The following ADGRE1 variants were observed in gnomAD, a reference collection of about 807,000 sequenced individuals.
The protein encoded by ADGRE1 is adhesion G protein-coupled receptor E1.
ADGRE1 carries 82 observed loss-of-function variants against 102.7 expected under a neutral mutation model. The observed-to-expected ratio is 0.80, with a 90% CI of 0.67 to 0.96. The LOEUF (loss-of-function observed/expected upper bound fraction) is 0.96, where lower values mean the gene tolerates loss of function less well. Ranked by LOEUF, ADGRE1 falls within the 40% of genes least tolerant of loss-of-function variation. The pLI is 0.00. For synonymous variants in ADGRE1, 398 were observed against 399.6 expected, an observed-to-expected ratio of 1.00 and a Z score of 0.05; for missense variants, 1,032 against 1,085.3, an observed-to-expected ratio of 0.95 and a Z score of 0.69.
In ADGRE1 at chr19:6,919,812, C is replaced by A. The variant is rs1218728038; in HGVS notation, c.1620+65C>A. ...TTGGGAACTCCTCGTCTCTCGATTG[C>A]CTTAACTCTCATTTTTTACGGGAAG... On this transcript the variant is annotated intron_variant, in intron 13 of 20. Coordinates refer to ENST00000312053, the MANE Select transcript of ADGRE1 (RefSeq NM_001974.5). 3 of 1,492,252 alleles carry A rather than the reference C, an allele frequency of 2.0e-6. No homozygotes were observed. The East Asian group carries it at 6.9e-5, about 34-fold the overall frequency. 92.4% of individuals were successfully genotyped at this position (1,492,252 alleles called of 1,614,324 possible).
chr19:6,932,085 G>A (rs149358319), intron 17 of ADGRE1, among the ~76,000 whole-genome samples: 505 of 152,310 alleles, frequency 3.3e-3, no homozygotes, highest in Non-Finnish European at 5.6e-3. Context: ...CATTTGTGGA[G>A]TTGGATGGGC....
At chr19:6,925,884 AG>A (rs946937277) in intron 15 of ADGRE1, among the ~76,000 whole-genome samples, 10 of 151,420 alleles carry the variant, frequency 6.6e-5, no homozygotes, top group African/African-American at 1.9e-4. Context: ...TTGTATAGAG[AG>A]GGGGGTTTCA....
chr19:6,918,292 T>C (rs1404892390), intron 12 of ADGRE1, among the ~76,000 whole-genome samples: 8 of 151,766 alleles, frequency 5.3e-5, no homozygotes, highest in Admixed American at 5.3e-4. Flanking sequence ...ATACAAAAAA[T>C]TAGCTGGGTG....
intron 2 of ADGRE1, 55 bp from the exon 3 acceptor site, chr19:6,896,343 C>T (rs1386848024): frequency 1.9e-6 from 3 of 1,573,354 alleles, no homozygotes; most frequent in Non-Finnish European, 2.6e-6. Flanking sequence ...GGTTCCCTTG[C>T]AGCCTCACTC....
rs1392770315 is a variant in ADGRE1 at position 6,940,267 on chromosome 19, T to C, written c.*238T>C. On this transcript the variant is annotated 3_prime_UTR_variant, in exon 21 of 21. Transcript: ENST00000312053. The stretch of plus-strand genomic sequence containing the variant: ...TCTTCGTGCTCTGCAACTTCTTCAA[T>C]TCCAGAGTTTCTGAGAACAGACCCA... 5.1e-6 allele frequency: 3 copies of C among 585,254 alleles called. No individual in the cohort carries two copies. The highest frequency in any genetic ancestry group is 3.0e-5 in the Admixed American group (1 of 33,290). The allele number at this position is 585,254 out of a possible 1,614,324, so 36.3% of individuals were successfully genotyped here.
chr19:6,898,728 AG>A (rs1318988961), intron 5 of ADGRE1: 2 of 745,346 alleles, frequency 2.7e-6, no homozygotes, highest in African/African-American at 3.5e-5. Context: ...TAATTAATTA[AG>A]GGTCATCTCA....
Position 6,906,538 on chromosome 19 carries a change from G to A in ADGRE1, c.1038+17G>A, listed in dbSNP as rs182041796. Reference sequence around the variant, plus strand: ...CCTGCATATGCAAGTATTTTTTAAGGTTCCTAGTTTTTGAGGTTTTCTTAG... The same window carrying A: ...CCTGCATATGCAAGTATTTTTTAAGATTCCTAGTTTTTGAGGTTTTCTTAG... On this transcript the variant is annotated intron_variant, in intron 9 of 20. Transcript: ENST00000312053. 14 of 1,607,958 alleles carry A rather than the reference G, an allele frequency of 8.7e-6. No individual in the cohort carries two copies. The highest frequency in any genetic ancestry group is 1.9e-4 in the Middle Eastern group (1 of 5,310).
At chr19:6,936,436 C>CAA (rs543860591) in intron 18 of ADGRE1, among the ~76,000 whole-genome samples, 71,021 of 134,054 alleles carry the variant, frequency 0.53, 18,589 homozygotes, top group East Asian at 0.69. Context: ...ACTCCATCTC[C>CAA]AAAAAAAAAA....
At chr19:6,925,582 C>T (rs775337625) in intron 15 of ADGRE1, among the ~76,000 whole-genome samples, 1 of 152,150 alleles carries the variant, frequency 6.6e-6, no homozygotes, top group Non-Finnish European at 1.5e-5. Context: ...AGTATCTTGT[C>T]GTGCCCAAGG....
intron 10 of ADGRE1, 38 bp from the exon 11 acceptor site, chr19:6,913,615 G>A: frequency 6.6e-7 from 1 of 1,520,016 alleles, no homozygotes; most frequent in Non-Finnish European, 8.9e-7. Context: ...ATTAATGAGA[G>A]AGAGAGAGAG....
At chr19:6,888,602 T>C (rs1337228061) in intron 1 of ADGRE1, among the ~76,000 whole-genome samples, 2 of 152,220 alleles carry the variant, frequency 1.3e-5, no homozygotes, top group Non-Finnish European at 1.5e-5. Context: ...ACAAAGAGAT[T>C]AAATAACTTC....
At chr19:6,888,173 A>G (rs1014681036) in intron 1 of ADGRE1, among the ~76,000 whole-genome samples, 12 of 152,220 alleles carry the variant, frequency 7.9e-5, no homozygotes, top group Admixed American at 5.9e-4. Flanking sequence ...TTCAAGCCAG[A>G]CAGTCTGACT....
chr19:6,937,363 C>G lies in ADGRE1; in HGVS notation c.2502C>G (p.Ser834Arg). The G allele has an allele frequency of 1.2e-6, 2 of 1,614,046 alleles. No homozygotes were observed. The highest frequency in any genetic ancestry group is 1.7e-6 in the Non-Finnish European group (2 of 1,180,018). ...VMAYLFTIIN[S>R]LQGAFIFLIH... ...CTTACCTGTTCACCATCATCAACAG[C>G]CTGCAGGGGGCCTTCATCTTCCTCA... is the stretch of plus-strand genomic sequence containing the variant. The change falls in exon 19 of 21, where the codon AGC becomes AGG. Residue 834 changes from serine to arginine, a missense_variant. Ser to Arg is a moderately radical substitution (Grantham distance 110). Coordinates refer to ENST00000312053, the MANE Select transcript of ADGRE1 (RefSeq NM_001974.5).
At chr19:6,936,058 G>A (rs1273801791) in intron 18 of ADGRE1, among the ~76,000 whole-genome samples, 1 of 152,144 alleles carries the variant, frequency 6.6e-6, no homozygotes, top group South Asian at 2.1e-4. Flanking sequence ...TTTATTGTCA[G>A]TAACCTAATA....
chr19:6,896,171 A>G (rs1012255181), intron 2 of ADGRE1: 1 of 470,062 alleles, frequency 2.1e-6, no homozygotes, highest in African/African-American at 2.0e-5. Context: ...GGCCCACCCT[A>G]CTCCAGCACT....
chr19:6,898,028 TG>T (rs1447292369), intron 5 of ADGRE1: 1 of 225,784 alleles, frequency 4.4e-6, no homozygotes, highest in African/African-American at 2.3e-5. Context: ...ATTTCATGGA[TG>T]GTTGAGTTTC....
At chr19:6,926,239 ATGTT>A in intron 15 of ADGRE1, 123 bp from the exon 16 acceptor site, 6 of 986,476 alleles carry the variant, frequency 6.1e-6, no homozygotes, top group Non-Finnish European at 9.0e-6. Flanking sequence ...CTCTCTATAA[ATGTT>A]TGTGAGATGA....
At position 6,915,949 on chromosome 19, in the gene ADGRE1, TAGAG is replaced by T. The variant is rs1039714651; in HGVS notation, c.1301-296_1301-293del. On this transcript the variant is annotated intron_variant, in intron 11 of 20. Coordinates refer to ENST00000312053, the MANE Select transcript of ADGRE1 (RefSeq NM_001974.5). ...AAAAAAAAAAAAAAAAAAAAAAACTTAGAGAGAAAATCATGACTGTTGCCTTCCA... is the reference window on the plus strand; with the variant it reads ...AAAAAAAAAAAAAAAAAAAAAAACTTAGAAAATCATGACTGTTGCCTTCCA... 5.0e-4 allele frequency among the ~76,000 whole-genome samples: 72 copies of T among 143,006 alleles called. 1 individual carries two copies. Among genetic ancestry groups the T allele is most frequent in the East Asian group, 2.3e-3 (11 of 4,870 alleles). 93.8% of individuals were successfully genotyped at this position (143,006 alleles called of 152,430 possible).
At chr19:6,915,837 C>T (rs1051615135) in intron 11 of ADGRE1, among the ~76,000 whole-genome samples, 5 of 139,952 alleles carry the variant, frequency 3.6e-5, no homozygotes, top group African/African-American at 7.8e-5. Context: ...AGGAGAATGG[C>T]GTGAACCCGG....
Sources: gnomAD v4.1 joint callset for allele counts (sites outside exome capture counted in the v4.1 genomes callset) on GRCh38, gnomAD v4.1.1 for gene constraint, MANE v1.5 for transcripts, NCBI Gene and HGNC (gene_info 2026-07-23, HGNC 2026-07-21) for gene names.